FMN1: variants seen among roughly 807,000 people sequenced by gnomAD.
FMN1 encodes the protein formin-1.
Under a neutral mutation model 132.4 loss-of-function variants are expected in FMN1, and 110 were observed. That is an observed-to-expected ratio of 0.83 (90% confidence interval 0.71 to 0.97). The LOEUF (loss-of-function observed/expected upper bound fraction) is 0.97, where lower values mean the gene tolerates loss of function less well. Ranked by LOEUF, FMN1 falls within the 50% of genes least tolerant of loss-of-function variation. The probability of loss-of-function intolerance (pLI) is 0.00; values close to 1 mark genes in which losing one functional copy is unlikely to be tolerated. For synonymous variants in FMN1, 722 were observed against 651.7 expected (o/e 1.11, Z -1.64); for missense variants, 1,792 against 1,705.3 (o/e 1.05, Z -0.90).
At chr15:33,166,901 T>A (rs910219617) in intron 3 of FMN1, among the ~76,000 whole-genome samples, 2 of 152,212 alleles carry the variant, frequency 1.3e-5, no homozygotes, top group African/African-American at 4.8e-5. Flanking sequence ...TGGAGGCATG[T>A]ATCCCAATCC....
intron 3 of FMN1, among the ~76,000 whole-genome samples, chr15:33,167,164 G>T (rs1034918651): frequency 2.0e-5 from 3 of 152,150 alleles, no homozygotes; most frequent in African/African-American, 7.2e-5. Flanking sequence ...ACCTTGAATT[G>T]TAATAATCCC....
At chr15:33,129,000 C>A (rs1963415895) in intron 4 of FMN1, among the ~76,000 whole-genome samples, 1 of 152,082 alleles carries the variant, frequency 6.6e-6, no homozygotes, top group African/African-American at 2.4e-5. Flanking sequence ...CTGATTGGTC[C>A]ATTTTTACAG....
At chr15:33,163,751 G>A (rs557905455) in intron 3 of FMN1, among the ~76,000 whole-genome samples, 49 of 152,120 alleles carry the variant, frequency 3.2e-4, no homozygotes, top group African/African-American at 1.2e-3. Flanking sequence ...CCAAGTAGCT[G>A]GGATTACAGG....
chr15:32,959,103 T>G (rs1031927100), intron 9 of FMN1, among the ~76,000 whole-genome samples: 7 of 150,952 alleles, frequency 4.6e-5, no homozygotes, highest in Non-Finnish European at 8.9e-5. Flanking sequence ...TGAAGCCCTA[T>G]AGCCAAGATT....
intron 4 of FMN1, among the ~76,000 whole-genome samples, chr15:33,128,588 T>C (rs929871591): frequency 1.3e-5 from 2 of 152,240 alleles, no homozygotes; most frequent in African/African-American, 4.8e-5. Flanking sequence ...GTTCGTGGTC[T>C]AACTTCACAA....
At chr15:33,018,545 C>T (rs1169088712) in intron 6 of FMN1, among the ~76,000 whole-genome samples, 1 of 152,138 alleles carries the variant, frequency 6.6e-6, no homozygotes, top group African/African-American at 2.4e-5. Flanking sequence ...GAAAAGGTTC[C>T]CAGAGGGTGG....
chr15:33,130,643 T>C (rs1430105309), intron 4 of FMN1, among the ~76,000 whole-genome samples: 1 of 152,172 alleles, frequency 6.6e-6, no homozygotes, highest in Admixed American at 6.5e-5. Flanking sequence ...AAGTGATAAT[T>C]TCAGAGTTTT....
intron 2 of FMN1, among the ~76,000 whole-genome samples, chr15:33,184,955 G>A (rs952906005): frequency 2.6e-5 from 4 of 152,144 alleles, no homozygotes; most frequent in Non-Finnish European, 5.9e-5. Flanking sequence ...AATATGCTAC[G>A]TTATATGTGT....
intron 19 of FMN1, among the ~76,000 whole-genome samples, chr15:32,779,247 C>T (rs2056585687): frequency 6.6e-6 from 1 of 152,046 alleles, no homozygotes; most frequent in South Asian, 2.1e-4. Flanking sequence ...TACTAAAAAC[C>T]ACTGTGTAGT....
intron 6 of FMN1, among the ~76,000 whole-genome samples, chr15:33,055,824 G>GAA (rs1357023354): frequency 6.6e-6 from 1 of 152,050 alleles, no homozygotes; most frequent in Admixed American, 6.5e-5. Context: ...TTAAGAGAGA[G>GAA]AAAAAACACT....
intron 19 of FMN1, among the ~76,000 whole-genome samples, chr15:32,788,484 A>G (rs571312412): frequency 1.2e-4 from 19 of 152,282 alleles, no homozygotes; most frequent in African/African-American, 4.6e-4. Flanking sequence ...CTCACCAAAA[A>G]CTAGCACTGA....
chr15:32,899,453 C>T (rs1271660381), intron 14 of FMN1, among the ~76,000 whole-genome samples: 1 of 152,212 alleles, frequency 6.6e-6, no homozygotes, highest in Non-Finnish European at 1.5e-5. Flanking sequence ...CCCCTGCCCC[C>T]CATGGGACGC....
At chr15:32,801,636 CAAAA>C (rs896122849) in intron 18 of FMN1, among the ~76,000 whole-genome samples, 1 of 145,676 alleles carries the variant, frequency 6.9e-6, no homozygotes, top group African/African-American at 2.8e-5. Flanking sequence ...AACAAACAAA[CAAAA>C]AAAAATTATT....
chr15:32,954,656 G>A (rs2061724361), intron 9 of FMN1, among the ~76,000 whole-genome samples: 1 of 152,232 alleles, frequency 6.6e-6, no homozygotes, highest in South Asian at 2.1e-4. Context: ...TTGGCCAAGT[G>A]AATTTAAAGT....
intron 15 of FMN1, among the ~76,000 whole-genome samples, chr15:32,890,444 T>C (rs1172655968): frequency 1.3e-5 from 2 of 152,186 alleles, no homozygotes; most frequent in Non-Finnish European, 2.9e-5. Context: ...GTTTTCTGAT[T>C]TTTTGATTAT....
chr15:32,812,572 T>A (rs2057918174), intron 17 of FMN1, among the ~76,000 whole-genome samples: 1 of 152,246 alleles, frequency 6.6e-6, no homozygotes, highest in South Asian at 2.1e-4. Flanking sequence ...GCTCCTGCAT[T>A]TTGGCCGAGA....
chr15:33,153,166 T>C lies in FMN1; in HGVS notation c.1749A>G (p.Lys583=), dbSNP rs1222707106. The C allele has an allele frequency of 2.6e-6, 4 of 1,536,030 alleles. No individual in the cohort carries two copies. The highest frequency in any genetic ancestry group is 3.9e-5 in the Admixed American group (2 of 50,990). The change falls in exon 4 of 21, where the codon AAA becomes AAG. Residue 583 remains lysine (K), a synonymous_variant. Transcript: ENST00000616417. The part of the protein sequence containing the change: ...PPSSAKVTET[K]GASPAFLRAG... Reference sequence around the variant, plus strand: ...CTCTGAGGAAGGCCGGGCTGGCTCCTTTGGTCTCCGTGACCTTTGCAGAGG... The same window carrying C: ...CTCTGAGGAAGGCCGGGCTGGCTCCCTTGGTCTCCGTGACCTTTGCAGAGG...
chr15:33,185,568 ATT>A (rs57232200), intron 2 of FMN1, among the ~76,000 whole-genome samples: 2,415 of 113,402 alleles, frequency 0.021, 105 homozygotes, highest in African/African-American at 0.092. Flanking sequence ...TAAAGTAAGA[ATT>A]TTTTTTTTTT....
At chr15:33,116,001 A>G (rs533209591) in intron 4 of FMN1, among the ~76,000 whole-genome samples, 1 of 152,194 alleles carries the variant, frequency 6.6e-6, no homozygotes, top group South Asian at 2.1e-4. Context: ...GCTGAATTAA[A>G]GAATTTTCTT....
Sources: gnomAD v4.1 joint callset for allele counts (sites outside exome capture counted in the v4.1 genomes callset) on GRCh38, gnomAD v4.1.1 for gene constraint, MANE v1.5 for transcripts, NCBI Gene and HGNC (gene_info 2026-07-23, HGNC 2026-07-21) for gene names.